Variants in UBE2H observed in about 807,000 individuals in gnomAD.
The protein encoded by UBE2H is ubiquitin conjugating enzyme E2 H, also known as ubiquitin-conjugating enzyme E2 H.
UBE2H carries 3 observed loss-of-function variants against 29.0 expected under a neutral mutation model. That is an observed-to-expected ratio of 0.10 (90% confidence interval 0.05 to 0.27). The LOEUF is 0.27. UBE2H is among the 10% of genes least tolerant of loss of function. The probability of loss-of-function intolerance (pLI) is 1.00; values close to 1 mark genes in which losing one functional copy is unlikely to be tolerated. For synonymous variants in UBE2H, 69 were observed against 82.9 expected (o/e 0.83, Z 0.91); for missense variants, 68 against 228.2 (o/e 0.30, Z 4.52).
intron 1 of UBE2H, among the ~76,000 whole-genome samples, chr7:129,882,624 A>G (rs3800561): frequency 0.048 from 7,345 of 152,278 alleles, 199 homozygotes; most frequent in South Asian, 0.13. Context: ...CCTTAGAAAC[A>G]TGCACACTAA....
chr7:129,895,672 G>A (rs561838286), intron 1 of UBE2H, among the ~76,000 whole-genome samples: 60 of 152,198 alleles, frequency 3.9e-4, no homozygotes, highest in African/African-American at 1.3e-3. Flanking sequence ...AGGTCAAGGC[G>A]GGTGGATCAC....
chr7:129,934,868 AACAG>A (rs1807489230), intron 1 of UBE2H, among the ~76,000 whole-genome samples: 1 of 151,448 alleles, frequency 6.6e-6, no homozygotes, highest in African/African-American at 2.4e-5. Flanking sequence ...GGAGTTCAAA[AACAG>A]ACAGGACAAG....
intron 1 of UBE2H, among the ~76,000 whole-genome samples, chr7:129,927,754 G>C (rs1807300357): frequency 6.6e-6 from 1 of 152,152 alleles, no homozygotes; most frequent in Admixed American, 6.6e-5. Context: ...ATACGTGGGA[G>C]CTAAAAAAGT....
intron 1 of UBE2H, among the ~76,000 whole-genome samples, chr7:129,922,828 C>T (rs142284661): frequency 7.3e-4 from 111 of 152,278 alleles, no homozygotes; most frequent in African/African-American, 2.4e-3. Flanking sequence ...CTTAAACGAT[C>T]CTCCAGCCTC....
At chr7:129,909,447 C>T (rs1806885850) in intron 1 of UBE2H, among the ~76,000 whole-genome samples, 3 of 152,290 alleles carry the variant, frequency 2.0e-5, no homozygotes, top group East Asian at 3.9e-4. Flanking sequence ...TACAAGGGGA[C>T]GGTTCAGAGC....
chr7:129,885,847 CA>C (rs1806349456), intron 1 of UBE2H, among the ~76,000 whole-genome samples: 2 of 152,128 alleles, frequency 1.3e-5, no homozygotes, highest in Non-Finnish European at 2.9e-5. Flanking sequence ...ATTCCATCAC[CA>C]CTGAATGAAT....
At position 129,882,356 on chromosome 7, in the gene UBE2H, T is replaced by C. The variant is rs192636650; in HGVS notation, c.54-1385A>G. Among the ~76,000 whole-genome samples, 253 of 152,350 alleles carry C rather than the reference T, an allele frequency of 1.7e-3. 1 individual carries two copies. Among genetic ancestry groups the C allele is most frequent in the Admixed American group, 3.3e-3 (50 of 15,296 alleles). ...ATTTCTCCATCAGCAGTGCAAATTATATACTGTTAATACAAAACAGAAACA... is the reference window on the plus strand; with the variant it reads ...ATTTCTCCATCAGCAGTGCAAATTACATACTGTTAATACAAAACAGAAACA... On this transcript the variant is annotated intron_variant, in intron 1 of 6. Transcript: ENST00000355621.
At chr7:129,885,828 A>G (rs188186259) in intron 1 of UBE2H, among the ~76,000 whole-genome samples, 82 of 152,332 alleles carry the variant, frequency 5.4e-4, no homozygotes, top group African/African-American at 1.8e-3. Flanking sequence ...ACTGCATTAA[A>G]AATAAGCCAT....
intron 1 of UBE2H, among the ~76,000 whole-genome samples, chr7:129,897,913 G>A (rs1021479078): frequency 1.4e-4 from 21 of 152,112 alleles, no homozygotes; most frequent in African/African-American, 4.6e-4. Flanking sequence ...TTGATAATAC[G>A]TTCAAATAGC....
rs980781711 is a variant in UBE2H, at chr7:129,833,994, A to G, written c.*943T>C. On this transcript the variant is annotated 3_prime_UTR_variant, in exon 7 of 7. Transcript: ENST00000355621. The stretch of plus-strand genomic sequence containing the variant: ...TGAAGATGAAATCTGCAACCTTTCT[A>G]AGCACAATACACACACACACACACC... The G allele has an allele frequency of 8.6e-5, 13 of 152,008 alleles. No individual in the cohort carries two copies. Among genetic ancestry groups the G allele is most frequent in the Non-Finnish European group, 1.6e-4 (11 of 68,014 alleles). 9.4% of individuals were successfully genotyped at this position (152,008 alleles called of 1,614,324 possible).
intron 5 of UBE2H, among the ~76,000 whole-genome samples, chr7:129,854,064 T>G (rs1483009997): frequency 2.0e-5 from 3 of 148,282 alleles, no homozygotes; most frequent in Admixed American, 6.7e-5. Flanking sequence ...GTGTTAGTTT[T>G]TTTTTTTTTT....
intron 1 of UBE2H, among the ~76,000 whole-genome samples, chr7:129,933,017 CACAA>C (rs1241622089): frequency 5.3e-5 from 8 of 151,996 alleles, no homozygotes; most frequent in South Asian, 4.1e-4. Context: ...AGCACATGTC[CACAA>C]ACAAAGAAAA....
chr7:129,855,065 T>C (rs1426093720), intron 5 of UBE2H, among the ~76,000 whole-genome samples: 1 of 152,244 alleles, frequency 6.6e-6, no homozygotes, highest in Admixed American at 6.5e-5. Context: ...TTTGAGGTGA[T>C]GAAAATGTTC....
intron 3 of UBE2H, among the ~76,000 whole-genome samples, chr7:129,878,292 C>T (rs1344449846): frequency 6.6e-6 from 1 of 152,092 alleles, no homozygotes; most frequent in Non-Finnish European, 1.5e-5. Context: ...ACTTAGAGGC[C>T]CCTATAGCAA....
chr7:129,865,370 A>G (rs1397711185), intron 3 of UBE2H, among the ~76,000 whole-genome samples: 1 of 152,024 alleles, frequency 6.6e-6, no homozygotes, highest in Non-Finnish European at 1.5e-5. Context: ...CAATATGTAA[A>G]TAAATGAGGC....
intron 1 of UBE2H, among the ~76,000 whole-genome samples, chr7:129,913,200 C>T (rs890465626): frequency 6.2e-5 from 9 of 145,886 alleles, no homozygotes; most frequent in African/African-American, 2.3e-4. Flanking sequence ...TGCAGTGAGC[C>T]GAGATCATGC....
At position 129,951,487 on chromosome 7, in the gene UBE2H, CA is replaced by C. The variant is rs35808448; in HGVS notation, c.53+1015del. ...TCCCCCTACCCTCTAAACTACCCTT[CA>C]AAAAAAAAAAATTCTCGATTTGTCA... On this transcript the variant is annotated intron_variant, in intron 1 of 6. Transcript: ENST00000355621. 2.0e-3 allele frequency among the ~76,000 whole-genome samples: 294 copies of C among 145,332 alleles called. 5 individuals are homozygous for C. The East Asian group carries it at 0.029, about 14-fold the overall frequency.
intron 5 of UBE2H, chr7:129,839,667 T>C (rs960864442): frequency 1.1e-5 from 3 of 278,360 alleles, no homozygotes; most frequent in Non-Finnish European, 2.0e-5. Flanking sequence ...GGTATTCAGA[T>C]GCTGGGTCTT....
At chr7:129,896,586 G>T (rs1806606455) in intron 1 of UBE2H, among the ~76,000 whole-genome samples, 2 of 151,772 alleles carry the variant, frequency 1.3e-5, no homozygotes, top group South Asian at 4.2e-4. Flanking sequence ...TTTATTTTTT[G>T]TATAGATGAG....
Sources: gnomAD v4.1 joint callset for allele counts (sites outside exome capture counted in the v4.1 genomes callset) on GRCh38, gnomAD v4.1.1 for gene constraint, MANE v1.5 for transcripts, NCBI Gene and HGNC (gene_info 2026-07-23, HGNC 2026-07-21) for gene names.